The following ETF1 variants were observed in gnomAD, a reference collection of about 807,000 sequenced individuals.
The protein encoded by ETF1 is eukaryotic translation termination factor 1, also known as eukaryotic peptide chain release factor subunit 1.
A neutral mutation model predicts 55.1 loss-of-function variants in ETF1; 4 were observed. That is an observed-to-expected ratio of 0.07 (90% CI 0.04 to 0.17). The LOEUF (loss-of-function observed/expected upper bound fraction) is 0.17. Among genes scored for constraint, ETF1 ranks in the 10% least tolerant of loss-of-function variants. ETF1 has a pLI of 1.00. For synonymous variants in ETF1, 157 were observed against 182.3 expected (o/e 0.86, Z 1.12); for missense variants, 142 against 523.6 (o/e 0.27, Z 7.11).
chr5:138,512,893 A>G lies in ETF1; in HGVS notation c.603T>C (p.Tyr201=), dbSNP rs1407057919. 1 of 1,581,630 alleles carries G rather than the reference A, an allele frequency of 6.3e-7. No homozygotes were observed. Among genetic ancestry groups the G allele is most frequent in the Non-Finnish European group, 8.6e-7 (1 of 1,168,070 alleles). ...ARLRMEKRHN[Y]VRKVAETAVQ... ...CAGCAGTCTCTGCTACTTTCCGAAC[A>G]TAGTTATGTCGCTTTTCCATTCTTA... is the stretch of plus-strand genomic sequence containing the variant. The change falls in exon 6 of 11, where the codon TAT becomes TAC. Residue 201 remains tyrosine, a synonymous_variant. Coordinates refer to ENST00000360541, the MANE Select transcript of ETF1 (RefSeq NM_004730.4).
At chr5:138,534,178 A>C (rs1202424259) in intron 2 of ETF1, among the ~76,000 whole-genome samples, 3 of 152,218 alleles carry the variant, frequency 2.0e-5, no homozygotes, top group Non-Finnish European at 4.4e-5. Flanking sequence ...TTTCAGAATA[A>C]AGTTCACAAA....
chr5:138,538,354 T>A (rs1766033279), intron 2 of ETF1, among the ~76,000 whole-genome samples: 1 of 151,478 alleles, frequency 6.6e-6, no homozygotes, highest in Non-Finnish European at 1.5e-5. Context: ...CACACCCAGC[T>A]CATTTTTGTA....
At chr5:138,519,861 T>C (rs1022143748) in intron 2 of ETF1, among the ~76,000 whole-genome samples, 2 of 151,960 alleles carry the variant, frequency 1.3e-5, no homozygotes, top group Non-Finnish European at 1.5e-5. Context: ...TTTAACTTTT[T>C]AATAATAACA....
At chr5:138,510,458 A>T in intron 9 of ETF1, 107 bp downstream of exon 9, 1 of 707,846 alleles carries the variant, frequency 1.4e-6, no homozygotes, top group South Asian at 1.7e-5. Flanking sequence ...AGCACCCCCA[A>T]TTAGTATAAG....
At chr5:138,519,258 G>GT in intron 2 of ETF1, 1 of 921,262 alleles carries the variant, frequency 1.1e-6, no homozygotes. Context: ...GCCATGACAG[G>GT]ATGATGCAAT....
chr5:138,542,847 C>T lies in ETF1; in HGVS notation c.72G>A (p.Leu24=). 1 of 1,613,256 alleles carries T rather than the reference C, an allele frequency of 6.2e-7. No homozygotes were observed. Among genetic ancestry groups the T allele is most frequent in the Non-Finnish European group, 8.5e-7 (1 of 1,179,864 alleles). The stretch of plus-strand genomic sequence containing the variant: ...GCGGCGCTCACCCGCGGGCCGCCTC[C>T]AAGCTCTTAATGAGCTTCTTGATCT... ...IWKIKKLIKS[L]EAARGNGTSM... is the part of the protein sequence containing the mutation. Residue 24 remains leucine (L), a synonymous_variant, in exon 2 of 11, where the codon TTG becomes TTA. Coordinates refer to ENST00000360541, the MANE Select transcript of ETF1 (RefSeq NM_004730.4).
intron 3 of ETF1, chr5:138,517,928 G>C (rs1198076976): frequency 1.0e-6 from 1 of 981,558 alleles, no homozygotes; most frequent in African/African-American, 1.7e-5. Flanking sequence ...GCTGGACGTG[G>C]TGGTGGCTCA....
At chr5:138,522,574 A>AT (rs1765276463) in intron 2 of ETF1, among the ~76,000 whole-genome samples, 1 of 151,598 alleles carries the variant, frequency 6.6e-6, no homozygotes, top group Non-Finnish European at 1.5e-5. Context: ...GGCATTATTC[A>AT]TAATAGTAAA....
chr5:138,517,488 G>C (rs1426284676), intron 4 of ETF1, 73 bp downstream of exon 4: 2 of 825,452 alleles, frequency 2.4e-6, no homozygotes, highest in East Asian at 2.9e-5. Flanking sequence ...TGGGAGGGAT[G>C]GGGGACTGAC....
In ETF1 at chr5:138,514,841, T is replaced by C. The variant is rs545909220; in HGVS notation, c.403-1135A>G. 3.3e-5 allele frequency among the ~76,000 whole-genome samples: 5 copies of C among 152,316 alleles called. No homozygotes were observed. In the South Asian group the frequency reaches 8.3e-4, roughly 25 times the overall value. ...AAAATATTGAAACAGTCCTGGGACA[T>C]ACATAGATAAGAGTTCTCACAGTGG... On this transcript the variant is annotated intron_variant, in intron 4 of 10. Transcript: ENST00000360541.
intron 2 of ETF1, among the ~76,000 whole-genome samples, chr5:138,523,858 A>T (rs1372128285): frequency 6.6e-6 from 1 of 151,742 alleles, no homozygotes; most frequent in Non-Finnish European, 1.5e-5. Context: ...TGCGCCTAGG[A>T]GTTTTGAGAC....
intron 2 of ETF1, among the ~76,000 whole-genome samples, chr5:138,527,792 G>A (rs1236725774): frequency 6.6e-6 from 1 of 151,286 alleles, no homozygotes; most frequent in Non-Finnish European, 1.5e-5. Context: ...TTTTTTTTGA[G>A]AGGGGGTTTC....
chr5:138,529,373 TCTCA>T (rs1259691784), intron 2 of ETF1, among the ~76,000 whole-genome samples: 1 of 152,120 alleles, frequency 6.6e-6, no homozygotes, highest in Non-Finnish European at 1.5e-5. Context: ...AAAATAAAGC[TCTCA>T]CTAAGGAGAT....
chr5:138,539,577 T>C (rs1409943720), intron 2 of ETF1, among the ~76,000 whole-genome samples: 1 of 152,190 alleles, frequency 6.6e-6, no homozygotes, highest in Non-Finnish European at 1.5e-5. Context: ...AAACTAACAT[T>C]CGACCAGGCT....
chr5:138,509,146 T>C, intron 9 of ETF1: 1 of 985,418 alleles, frequency 1.0e-6, no homozygotes, highest in Non-Finnish European at 1.2e-6. Context: ...ACCCATTCAA[T>C]GGCTCAGAAG....
intron 4 of ETF1, 112 bp downstream of exon 4, chr5:138,517,449 T>C (rs1440177913): frequency 6.3e-6 from 3 of 473,870 alleles, no homozygotes; most frequent in African/African-American, 4.0e-5. Context: ...AAAGAAAATA[T>C]AGTGGTTGCC....
intron 2 of ETF1, among the ~76,000 whole-genome samples, chr5:138,532,168 T>C (rs569733679): frequency 6.6e-6 from 1 of 152,364 alleles, no homozygotes; most frequent in African/African-American, 2.4e-5. Flanking sequence ...CTTCAATTTC[T>C]ACTCCATTTC....
intron 3 of ETF1, chr5:138,517,989 G>T: frequency 1.8e-6 from 1 of 566,748 alleles, no homozygotes; most frequent in Non-Finnish European, 2.2e-6. Context: ...ATCACCTGAC[G>T]TCAGGAATTC....
chr5:138,511,371 T>C, intron 7 of ETF1, 104 bp downstream of exon 7: 2 of 1,527,060 alleles, frequency 1.3e-6, no homozygotes, highest in Non-Finnish European at 1.8e-6. Flanking sequence ...CCTTGTCTCA[T>C]ACATACAATC....
Sources: allele counts gnomAD v4.1 joint callset (sites outside exome capture counted in the v4.1 genomes callset), GRCh38; gene constraint gnomAD v4.1.1; transcripts MANE v1.5; gene names NCBI Gene and HGNC (gene_info 2026-07-23, HGNC 2026-07-21).